The following FLNB variants were observed in gnomAD, a reference collection of about 807,000 sequenced individuals.
The protein encoded by FLNB is filamin B, also known as filamin-B.
Under a neutral mutation model 250.6 loss-of-function variants are expected in FLNB, and 111 were observed. The ratio of observed to expected loss-of-function variants is 0.44; its 90% CI spans 0.38 to 0.52. The LOEUF (loss-of-function observed/expected upper bound fraction) is 0.52, where lower values mean the gene tolerates loss of function less well. FLNB is among the 20% of genes least tolerant of loss of function. The pLI, the probability that FLNB is intolerant of heterozygous loss-of-function variation, is 0.00. For missense variants in FLNB, 2,869 were observed against 3,447.8 expected (o/e 0.83, Z 4.20); for synonymous variants, 1,302 against 1,372.1 (o/e 0.95, Z 1.13).
intron 1 of FLNB, among the ~76,000 whole-genome samples, chr3:58,016,473 T>C (rs975681213): frequency 2.0e-5 from 3 of 149,410 alleles, no homozygotes; most frequent in African/African-American, 7.3e-5. Context: ...TCCTCATATA[T>C]ATATATATTT....
Position 58,141,906 on chromosome 3 carries a change from T to C in FLNB, c.5158T>C (p.Cys1720Arg). 2 of 1,614,194 alleles carry C rather than the reference T, an allele frequency of 1.2e-6. No homozygotes were observed. Among genetic ancestry groups the C allele is most frequent in the East Asian group, 4.5e-5 (2 of 44,892 alleles). Residue 1720 changes from cysteine to arginine, a missense_variant, in exon 30 of 46, where the codon TGT becomes CGT. This residue lies in a region of FLNB where 1,084 missense variants were observed against 1,315.5 expected (regional missense o/e 0.82). Transcript: ENST00000295956. The stretch of plus-strand genomic sequence containing the variant: ...CGTGGAGGAGGCACCGGTAAATGCA[T>C]GTCCCCCTGGATTCAGGCCCTGGGT... ...TAVEEAPVNA[C>R]PPGFRPWVTE... is the part of the protein sequence containing the mutation.
At chr3:58,038,051 CAG>C (rs2097140630) in intron 1 of FLNB, among the ~76,000 whole-genome samples, 1 of 152,208 alleles carries the variant, frequency 6.6e-6, no homozygotes, top group East Asian at 1.9e-4. Flanking sequence ...GTTTTTATGA[CAG>C]AGTTTCGCTC....
intron 38 of FLNB, chr3:58,151,495 G>A (rs2097344952): frequency 6.6e-6 from 1 of 151,870 alleles, no homozygotes; most frequent in African/African-American, 2.4e-5. Flanking sequence ...CCCAGAGAGA[G>A]CTTGGTTCAC....
intron 1 of FLNB, among the ~76,000 whole-genome samples, chr3:58,019,015 T>C (rs1036788668): frequency 1.4e-5 from 2 of 146,692 alleles, no homozygotes; most frequent in Middle Eastern, 3.7e-3. Flanking sequence ...CAAGCCTACA[T>C]AGTTGTAGCT....
intron 1 of FLNB, among the ~76,000 whole-genome samples, chr3:58,039,081 G>A (rs1415053742): frequency 4.1e-5 from 6 of 147,900 alleles, no homozygotes; most frequent in Admixed American, 1.4e-4. Flanking sequence ...CGGCTGGAAT[G>A]CAGTGGCATG....
At position 58,125,558 on chromosome 3, in the gene FLNB, T is replaced by C. The variant is rs3732633; in HGVS notation, c.3899-23T>C. 1.9e-6 allele frequency: 3 copies of C among 1,613,046 alleles called. No homozygotes were observed. In the African/African-American group the frequency reaches 4.0e-5, roughly 22 times the overall value. On this transcript the variant is annotated intron_variant, in intron 22 of 45. Coordinates refer to ENST00000295956, the MANE Select transcript of FLNB (RefSeq NM_001457.4). ...TAGGGGATTTGTATGCAAATATGCG[T>C]TTCTGTTTGTTGTTTTGAGCAGGTC... is the stretch of plus-strand genomic sequence containing the variant.
intron 24 of FLNB, among the ~76,000 whole-genome samples, chr3:58,127,456 C>A (rs1217733323): frequency 6.6e-6 from 1 of 151,894 alleles, no homozygotes; most frequent in Non-Finnish European, 1.5e-5. Context: ...GATTCAAATT[C>A]TTTCTTTTGT....
At position 58,112,243 on chromosome 3, in the gene FLNB, C is replaced by G; in HGVS notation, c.2670C>G (p.Gly890=). 1 of 1,614,034 alleles carries G rather than the reference C, an allele frequency of 6.2e-7. No homozygotes were observed. Among genetic ancestry groups the G allele is most frequent in the Non-Finnish European group, 8.5e-7 (1 of 1,179,922 alleles). The part of the protein sequence containing the change: ...LNVQFNSPLP[G]DAVKDLDIID... ...TGCAGTTCAACAGCCCTCTTCCTGG[C>G]GATGCAGTGAAGGATTTGGATATCA... The change falls in exon 18 of 46, where the codon GGC becomes GGG. Residue 890 remains glycine, a synonymous_variant. Transcript: ENST00000295956.
intron 1 of FLNB, among the ~76,000 whole-genome samples, chr3:58,025,199 G>T (rs1452691348): frequency 6.7e-5 from 9 of 134,912 alleles, no homozygotes; most frequent in Admixed American, 1.7e-4. Context: ...GCACATTCAC[G>T]GCTCATTGCA....
At chr3:58,060,570 C>CT (rs2097176667) in intron 1 of FLNB, among the ~76,000 whole-genome samples, 1 of 151,080 alleles carries the variant, frequency 6.6e-6, no homozygotes, top group Non-Finnish European at 1.5e-5. Flanking sequence ...CCAGGCTGGT[C>CT]TCGAACTCCT....
chr3:58,069,085 G>A (rs1559671088), intron 1 of FLNB, among the ~76,000 whole-genome samples: 1 of 150,626 alleles, frequency 6.6e-6, no homozygotes, highest in Non-Finnish European at 1.5e-5. Flanking sequence ...GGATGTTGCA[G>A]TGAGCAGAGA....
rs61545628 is a variant in FLNB, at chr3:58,093,597, C to CTA, written c.788-1230_788-1229dup. ...GAACTCTGGAACCAGGGGCAGAGAC[C>CTA]TATATATATAATTTCTTACTATTTT... On this transcript the variant is annotated intron_variant, in intron 4 of 45. Coordinates refer to ENST00000295956, the MANE Select transcript of FLNB (RefSeq NM_001457.4). Among the ~76,000 whole-genome samples the CTA allele has an allele frequency of 2.2e-3, 324 of 150,698 alleles. 1 individual carries two copies. The highest frequency in any genetic ancestry group is 7.5e-3 in the African/African-American group (309 of 40,990).
intron 1 of FLNB, among the ~76,000 whole-genome samples, chr3:58,069,013 TGTGCCTGTA>T (rs1181722087): frequency 2.0e-5 from 3 of 151,844 alleles, no homozygotes; most frequent in Non-Finnish European, 4.4e-5. Flanking sequence ...GTGGGTGGCA[TGTGCCTGTA>T]GTCCTAGCTA....
intron 1 of FLNB, among the ~76,000 whole-genome samples, chr3:58,031,407 T>C (rs1019247493): frequency 6.6e-6 from 1 of 151,506 alleles, no homozygotes; most frequent in Non-Finnish European, 1.5e-5. Flanking sequence ...CACGCCTGGC[T>C]AATTTTTTGT....
At chr3:58,018,066 G>T (rs891929574) in intron 1 of FLNB, among the ~76,000 whole-genome samples, 4 of 152,036 alleles carry the variant, frequency 2.6e-5, no homozygotes, top group Non-Finnish European at 5.9e-5. Context: ...GAATGTTGAG[G>T]TGTGCACTGT....
chr3:58,053,330 C>T (rs2097165454), intron 1 of FLNB, among the ~76,000 whole-genome samples: 1 of 152,260 alleles, frequency 6.6e-6, no homozygotes, highest in African/African-American at 2.4e-5. Context: ...ACTGCAGGCA[C>T]ATGCCACCAT....
Position 58,126,767 on chromosome 3 carries a change from G to C in FLNB, c.4222+5G>C, listed in dbSNP as rs779709951. ...ATGGAGGAGCCCACATCCCCGGTGA[G>C]CTATTCCTCAGAGAGGACCCCAGAG... On this transcript the variant is annotated splice_donor_5th_base_variant and intron_variant, in intron 24 of 45. Coordinates refer to ENST00000295956, the MANE Select transcript of FLNB (RefSeq NM_001457.4). 1.2e-6 allele frequency: 2 copies of C among 1,613,170 alleles called. No homozygotes were observed. Among genetic ancestry groups the C allele is most frequent in the South Asian group, 2.2e-5 (2 of 91,034 alleles).
At chr3:58,154,986 A>G (rs2097351111) in intron 40 of FLNB, 58 bp downstream of exon 40, 5 of 1,557,538 alleles carry the variant, frequency 3.2e-6, no homozygotes, top group Non-Finnish European at 2.7e-6. Context: ...ATTAGGTTGC[A>G]AGGAACAGAA....
At chr3:58,165,359 G>A (rs548866238) in intron 43 of FLNB, 1 of 152,362 alleles carries the variant, frequency 6.6e-6, no homozygotes, top group Non-Finnish European at 1.5e-5. Context: ...GAGGGGAGAG[G>A]TACAGAACCG....
Sources: allele counts gnomAD v4.1 joint callset (sites outside exome capture counted in the v4.1 genomes callset), GRCh38; gene constraint gnomAD v4.1.1; regional missense constraint gnomAD v4.1.1; transcripts MANE v1.5; gene names NCBI Gene and HGNC (gene_info 2026-07-23, HGNC 2026-07-21).